ME3: variants seen among roughly 807,000 people sequenced by gnomAD.
ME3 encodes malic enzyme 3, also known as NADP-dependent malic enzyme, mitochondrial.
In ME3, 48 loss-of-function variants were observed where a neutral mutation model predicts 68.9. That is an observed-to-expected ratio of 0.70 (90% CI 0.55 to 0.89). The LOEUF (loss-of-function observed/expected upper bound fraction) is 0.89. ME3 is among the 40% of genes least tolerant of loss of function. The pLI, the probability that ME3 is intolerant of heterozygous loss-of-function variation, is 0.00. For synonymous variants in ME3, 320 were observed against 318.8 expected, an observed-to-expected ratio of 1.00 and a Z score of -0.04; for missense variants, 675 against 797.4, an observed-to-expected ratio of 0.85 and a Z score of 1.85.
intron 7 of ME3, among the ~76,000 whole-genome samples, chr11:86,486,690 G>T (rs1488948285): frequency 6.6e-6 from 1 of 152,248 alleles, no homozygotes; most frequent in African/African-American, 2.4e-5. Flanking sequence ...TCTTCTCTCA[G>T]AGTAAACATG....
At chr11:86,549,478 C>A (rs1314715531) in intron 4 of ME3, among the ~76,000 whole-genome samples, 1 of 152,206 alleles carries the variant, frequency 6.6e-6, no homozygotes, top group Non-Finnish European at 1.5e-5. Context: ...AATTTTTCTT[C>A]CCAAGTGGAA....
intron 2 of ME3, among the ~76,000 whole-genome samples, chr11:86,638,294 C>T (rs1944467635): frequency 6.6e-6 from 1 of 152,218 alleles, no homozygotes; most frequent in South Asian, 2.1e-4. Context: ...GGTACACACA[C>T]AGCACATCCA....
intron 7 of ME3, among the ~76,000 whole-genome samples, chr11:86,482,464 G>A (rs587362): frequency 0.29 from 43,757 of 151,260 alleles, 6,819 homozygotes; most frequent in Non-Finnish European, 0.33. Flanking sequence ...CTATAGTGAG[G>A]GCTGCCCCAT....
At chr11:86,484,001 C>A (rs1001360947) in intron 7 of ME3, among the ~76,000 whole-genome samples, 5 of 152,314 alleles carry the variant, frequency 3.3e-5, no homozygotes, top group African/African-American at 1.2e-4. Context: ...CAGTCCTTGC[C>A]ATCAGTCTTT....
intron 2 of ME3, among the ~76,000 whole-genome samples, chr11:86,641,944 A>G (rs1466236288): frequency 6.6e-6 from 1 of 152,222 alleles, no homozygotes; most frequent in Non-Finnish European, 1.5e-5. Context: ...CAAACTAGCC[A>G]AGAAAATCAT....
rs563738961 is a variant in ME3 at position 86,617,045 on chromosome 11, GTTTTTTTTTTTT to G, written c.183+54705_183+54716del. Among the ~76,000 whole-genome samples the G allele has an allele frequency of 1.6e-3, 88 of 56,330 alleles. 1 individual carries two copies. The highest frequency in any genetic ancestry group is 4.6e-3 in the African/African-American group (69 of 15,146). 37.0% of individuals were successfully genotyped at this position (56,330 alleles called of 152,430 possible). A position where few individuals can be genotyped will look rare whatever the true frequency, so the allele number is the denominator to read the frequency against. ...ACATCTAAAATACTCCAAGATAGTA[GTTTTTTTTTTTT>G]TTTTTTTTTTTTTTTTTTTTTAAAG... On this transcript the variant is annotated intron_variant, in intron 2 of 14. Transcript: ENST00000543262.
intron 4 of ME3, among the ~76,000 whole-genome samples, chr11:86,523,118 A>G (rs1954448408): frequency 6.6e-6 from 1 of 152,216 alleles, no homozygotes; most frequent in African/African-American, 2.4e-5. Context: ...GGCTCCTTGA[A>G]GACCTGATCT....
chr11:86,651,501 C>T (rs1945426633), intron 2 of ME3, among the ~76,000 whole-genome samples: 1 of 152,212 alleles, frequency 6.6e-6, no homozygotes, highest in African/African-American at 2.4e-5. Context: ...AGTGGACCTC[C>T]AGCAAACTCC....
chr11:86,441,237 C>T (rs780422872), exon 15 of ME3: 8 of 1,469,738 alleles, frequency 5.4e-6, no homozygotes, highest in Non-Finnish European at 7.2e-6. Flanking sequence ...GTGGGTGTTA[C>T]TCTGGGCTTC....
chr11:86,587,046 G>A (rs1177298787), intron 2 of ME3, among the ~76,000 whole-genome samples: 5 of 152,200 alleles, frequency 3.3e-5, no homozygotes, highest in Non-Finnish European at 5.9e-5. Context: ...TCAGGAGTGT[G>A]AAGAATGGGA....
chr11:86,553,218 CTT>C (rs772041106), intron 4 of ME3, among the ~76,000 whole-genome samples: 22 of 152,246 alleles, frequency 1.4e-4, no homozygotes, highest in Non-Finnish European at 2.6e-4. Context: ...CTGAGATACT[CTT>C]TCCCCGGTAA....
chr11:86,634,382 C>T (rs1366736132), intron 2 of ME3, among the ~76,000 whole-genome samples: 1 of 152,180 alleles, frequency 6.6e-6, no homozygotes, highest in Non-Finnish European at 1.5e-5. Flanking sequence ...TTGTGAGTAG[C>T]ATGTCAGCTA....
chr11:86,506,153 C>A (rs1953058717), intron 5 of ME3, among the ~76,000 whole-genome samples: 1 of 152,178 alleles, frequency 6.6e-6, no homozygotes, highest in Non-Finnish European at 1.5e-5. Context: ...TCTGCTCATG[C>A]AACTTAACAT....
intron 4 of ME3, among the ~76,000 whole-genome samples, chr11:86,541,275 A>G (rs589368): frequency 0.078 from 11,788 of 151,854 alleles, 575 homozygotes; most frequent in East Asian, 0.26. Context: ...TGGTGCCTGG[A>G]GTATGAAACA....
chr11:86,596,767 T>G (rs1396167500), intron 2 of ME3, among the ~76,000 whole-genome samples: 1 of 152,248 alleles, frequency 6.6e-6, no homozygotes, highest in Non-Finnish European at 1.5e-5. Context: ...AGGGTTAGAC[T>G]TGAACCTTAT....
At chr11:86,568,469 T>C (rs1957606580) in intron 2 of ME3, among the ~76,000 whole-genome samples, 1 of 152,222 alleles carries the variant, frequency 6.6e-6, no homozygotes, top group Non-Finnish European at 1.5e-5. Flanking sequence ...CTCCTGACTT[T>C]ACCTATTTCA....
exon 12 of ME3, chr11:86,447,154 A>G (rs1949352182): frequency 6.2e-7 from 1 of 1,614,074 alleles, no homozygotes; most frequent in Non-Finnish European, 8.5e-7. Context: ...TCGTGGAAGG[A>G]GGCCATGTCC....
In ME3 at chr11:86,650,736, AGACAGTGGGTGCAG is replaced by A. The variant is rs902508785; in HGVS notation, c.183+21012_183+21025del. On this transcript the variant is annotated intron_variant, in intron 2 of 14. Coordinates refer to ENST00000543262, the Ensembl canonical transcript of ME3. ...TGGGTTCATCTCACCAGGGATTGTC[AGACAGTGGGTGCAG>A]GACAGTGGGTGCAGCACACCGAGCG... is the stretch of plus-strand genomic sequence containing the variant. Among the ~76,000 whole-genome samples, 124 of 152,310 alleles carry A rather than the reference AGACAGTGGGTGCAG, an allele frequency of 8.1e-4. 1 individual carries two copies. The highest frequency in any genetic ancestry group is 2.8e-3 in the African/African-American group (118 of 41,558).
chr11:86,606,922 T>G (rs767115431), intron 2 of ME3, among the ~76,000 whole-genome samples: 2 of 152,186 alleles, frequency 1.3e-5, no homozygotes, highest in Non-Finnish European at 2.9e-5. Flanking sequence ...TTCAGCAAAT[T>G]CATTCAGGAT....
Sources: gnomAD v4.1 joint callset for allele counts (sites outside exome capture counted in the v4.1 genomes callset) on GRCh38, gnomAD v4.1.1 for gene constraint, MANE v1.5 for transcripts, NCBI Gene and HGNC (gene_info 2026-07-23, HGNC 2026-07-21) for gene names.